SLMAP: variants seen among roughly 807,000 people sequenced by gnomAD.
SLMAP encodes sarcolemmal membrane-associated protein.
A neutral mutation model predicts 128.8 loss-of-function variants in SLMAP; 44 were observed. The ratio of observed to expected loss-of-function variants is 0.34; its 90% CI spans 0.27 to 0.44. The LOEUF is 0.44. SLMAP is among the 20% of genes least tolerant of loss of function. The probability of loss-of-function intolerance (pLI) is 1.00; values close to 1 mark genes in which losing one functional copy is unlikely to be tolerated. For synonymous variants in SLMAP, 327 were observed against 348.8 expected, an observed-to-expected ratio of 0.94 and a Z score of 0.70; for missense variants, 787 against 985.3, an observed-to-expected ratio of 0.80 and a Z score of 2.69.
At chr3:57,867,770 A>G (rs2095347070) in intron 13 of SLMAP, among the ~76,000 whole-genome samples, 2 of 152,312 alleles carry the variant, frequency 1.3e-5, no homozygotes, top group African/African-American at 2.4e-5. Context: ...AGAGCCAAAT[A>G]TAGTTGTAAG....
At chr3:57,788,485 T>C (rs2084726307) in intron 2 of SLMAP, among the ~76,000 whole-genome samples, 1 of 152,184 alleles carries the variant, frequency 6.6e-6, no homozygotes, top group Non-Finnish European at 1.5e-5. Context: ...TTGGGAGTTA[T>C]CAGCCCATGT....
chr3:57,765,098 T>C (rs1284541745), intron 2 of SLMAP, among the ~76,000 whole-genome samples: 1 of 152,200 alleles, frequency 6.6e-6, no homozygotes, highest in Non-Finnish European at 1.5e-5. Context: ...ATGCCTGTAA[T>C]ATCAGCTACT....
At chr3:57,792,998 G>A (rs1214742441) in intron 2 of SLMAP, among the ~76,000 whole-genome samples, 1 of 152,064 alleles carries the variant, frequency 6.6e-6, no homozygotes, top group Non-Finnish European at 1.5e-5. Context: ...AATCAGCTGA[G>A]CGTTGTGGTG....
At chr3:57,766,963 G>C (rs2079864567) in intron 2 of SLMAP, among the ~76,000 whole-genome samples, 1 of 151,882 alleles carries the variant, frequency 6.6e-6, no homozygotes, top group African/African-American at 2.4e-5. Flanking sequence ...CTGTCACCCA[G>C]GCTAGAGTGT....
At chr3:57,782,850 C>G (rs2083340683) in intron 2 of SLMAP, among the ~76,000 whole-genome samples, 1 of 152,096 alleles carries the variant, frequency 6.6e-6, no homozygotes, top group African/African-American at 2.4e-5. Flanking sequence ...GAGCTTGGCC[C>G]CCTCTTGCTG....
At chr3:57,821,052 T>C (rs1365967889) in intron 2 of SLMAP, among the ~76,000 whole-genome samples, 2 of 152,236 alleles carry the variant, frequency 1.3e-5, no homozygotes, top group Non-Finnish European at 2.9e-5. Context: ...AGTGAAGGAT[T>C]GTCTTAATTT....
chr3:57,779,836 G>GA, intron 2 of SLMAP, among the ~76,000 whole-genome samples: 1 of 152,006 alleles, frequency 6.6e-6, no homozygotes, highest in East Asian at 1.9e-4. Flanking sequence ...TCAAATCCAA[G>GA]CAAGTCTGGC....
intron 13 of SLMAP, among the ~76,000 whole-genome samples, chr3:57,866,197 A>G (rs902359958): frequency 1.3e-5 from 2 of 152,156 alleles, no homozygotes; most frequent in Admixed American, 6.6e-5. Flanking sequence ...AGCTGAGCCC[A>G]GGAGGTTGAG....
chr3:57,766,067 C>T (rs568798145), intron 2 of SLMAP, among the ~76,000 whole-genome samples: 9 of 147,972 alleles, frequency 6.1e-5, no homozygotes, highest in Admixed American at 2.0e-4. Context: ...GGCGCGATCT[C>T]GGCTCATTGT....
intron 15 of SLMAP, 64 bp from the exon 16 acceptor site, chr3:57,896,447 G>T (rs528666303): frequency 6.7e-7 from 1 of 1,492,822 alleles, no homozygotes; most frequent in African/African-American, 1.4e-5. Flanking sequence ...ATAGCCTGAA[G>T]CAGTTTTATT....
chr3:57,768,783 G>A (rs776771104), intron 2 of SLMAP, among the ~76,000 whole-genome samples: 1 of 152,008 alleles, frequency 6.6e-6, no homozygotes, highest in Non-Finnish European at 1.5e-5. Context: ...CATAATGTGG[G>A]TGGGCCTCTC....
intron 2 of SLMAP, among the ~76,000 whole-genome samples, chr3:57,825,511 T>C (rs2092859046): frequency 6.6e-6 from 1 of 151,728 alleles, no homozygotes; most frequent in African/African-American, 2.4e-5. Context: ...TTTTTTTTTT[T>C]TTTTTCATTT....
At position 57,802,154 on chromosome 3, in the gene SLMAP, C is replaced by T. The variant is rs755935693; in HGVS notation, c.199-29229C>T. ...ATTTTTTTGTCATTCTATACAGTTA[C>T]GCAACGATCACTGTAATTCAGCTGT... is the stretch of plus-strand genomic sequence containing the variant. On this transcript the variant is annotated intron_variant, in intron 2 of 24. Coordinates refer to ENST00000671191, the MANE Select transcript of SLMAP (RefSeq NM_001377540.1). 3.9e-5 allele frequency among the ~76,000 whole-genome samples: 6 copies of T among 152,206 alleles called. No individual in the cohort carries two copies. In the South Asian group the frequency reaches 6.2e-4, roughly 16 times the overall value.
chr3:57,851,504 G>T (rs1417841123), intron 6 of SLMAP, among the ~76,000 whole-genome samples: 1 of 148,730 alleles, frequency 6.7e-6, no homozygotes, highest in Non-Finnish European at 1.5e-5. Context: ...ATGGACTTTC[G>T]CTCTGTCACC....
At position 57,896,890 on chromosome 3, in the gene SLMAP, C is replaced by T; in HGVS notation, c.1459C>T (p.Gln487Ter). The change falls in exon 17 of 25, where the codon CAA becomes TAA. Residue 487 changes from glutamine (Q) to a stop codon, truncating the protein, a stop_gained. Transcript: ENST00000671191. LOFTEE classifies it high-confidence loss of function. ...CTCTGTAGACGCCCAAATGGATGAG[C>T]AAGACCTAAATGAGCCTCTTGCCAA... ...DDTTDAQMDE[Q>*]DLNEPLAKVS... 6.2e-7 allele frequency: 1 copy of T among 1,610,176 alleles called. No individual in the cohort carries two copies. The highest frequency in any genetic ancestry group is 8.5e-7 in the Non-Finnish European group (1 of 1,178,754).
At chr3:57,883,795 C>G (rs1171968544) in intron 14 of SLMAP, among the ~76,000 whole-genome samples, 1 of 152,076 alleles carries the variant, frequency 6.6e-6, no homozygotes, top group East Asian at 1.9e-4. Context: ...TTCAGAAAAC[C>G]AAGTTAAAAC....
intron 2 of SLMAP, among the ~76,000 whole-genome samples, chr3:57,811,889 A>G (rs147863299): frequency 6.6e-6 from 1 of 152,250 alleles, no homozygotes; most frequent in East Asian, 1.9e-4. Context: ...ACAAATGTCT[A>G]TTCCAATCCT....
intron 2 of SLMAP, among the ~76,000 whole-genome samples, chr3:57,758,606 T>C (rs1032905621): frequency 6.6e-6 from 1 of 152,222 alleles, no homozygotes; most frequent in African/African-American, 2.4e-5. Context: ...TATACCCTAT[T>C]CTGTCAATTA....
At chr3:57,784,329 A>G (rs1184771770) in intron 2 of SLMAP, among the ~76,000 whole-genome samples, 1 of 152,048 alleles carries the variant, frequency 6.6e-6, no homozygotes, top group Admixed American at 6.5e-5. Flanking sequence ...TGTGAGCCCA[A>G]CCTTTCCCCA....
Sources: gnomAD v4.1 joint callset for allele counts (sites outside exome capture counted in the v4.1 genomes callset) on GRCh38, gnomAD v4.1.1 for gene constraint, MANE v1.5 for transcripts, NCBI Gene and HGNC (gene_info 2026-07-23, HGNC 2026-07-21) for gene names.